Variants in THSD4 observed in about 807,000 individuals in gnomAD.
The protein encoded by THSD4 is thrombospondin type-1 domain-containing protein 4.
Under a neutral mutation model 119.0 loss-of-function variants are expected in THSD4, and 69 were observed. The ratio of observed to expected loss-of-function variants is 0.58; its 90% confidence interval spans 0.48 to 0.71. The LOEUF (loss-of-function observed/expected upper bound fraction) is 0.71, where lower values mean the gene tolerates loss of function less well. Ranked by LOEUF, THSD4 falls within the 30% of genes least tolerant of loss-of-function variation. The pLI is 0.00. For missense variants in THSD4, 1,393 were observed against 1,391.1 expected, an observed-to-expected ratio of 1.00 and a Z score of -0.02; for synonymous variants, 524 against 540.4, an observed-to-expected ratio of 0.97 and a Z score of 0.42.
intron 7 of THSD4, among the ~76,000 whole-genome samples, chr15:71,555,020 A>T (rs571370854): frequency 2.2e-4 from 33 of 152,210 alleles, no homozygotes; most frequent in Non-Finnish European, 3.7e-4. Context: ...CATCACCCTG[A>T]ATTTTATGGT....
chr15:71,215,156 T>C lies in THSD4; in HGVS notation c.221T>C (p.Met74Thr), dbSNP rs1428011253. 1.5e-6 allele frequency: 2 copies of C among 1,373,468 alleles called. No individual in the cohort carries two copies. The highest frequency in any genetic ancestry group is 3.2e-5 in the East Asian group (1 of 31,072). 85.1% of individuals were successfully genotyped at this position (1,373,468 alleles called of 1,614,324 possible). The change falls in exon 4 of 18, where the codon ATG (methionine) becomes ACG (threonine). Residue 74 changes from methionine (M) to threonine (T), a missense_variant. By Grantham distance (81) the Met-to-Thr change is moderately conservative. Coordinates refer to ENST00000261862, the MANE Select transcript of THSD4 (RefSeq NM_024817.3). ...TCGCGTAGCTGCAGCGGCGGCGTGATGGAGCAGACGCGGCCCTGCCTGCCC... is the reference window on the plus strand; with the variant it reads ...TCGCGTAGCTGCAGCGGCGGCGTGACGGAGCAGACGCGGCCCTGCCTGCCC... ...ACSRSCSGGVMEQTRPCLPRS... is the reference protein window; with the variant it reads ...ACSRSCSGGVTEQTRPCLPRS...
At chr15:71,253,472 A>C (rs1034105137) in intron 5 of THSD4, among the ~76,000 whole-genome samples, 1 of 151,742 alleles carries the variant, frequency 6.6e-6, no homozygotes, top group Non-Finnish European at 1.5e-5. Flanking sequence ...CAGAGGCGTG[A>C]TCTCAGCTCA....
chr15:71,410,798 G>T (rs566281848), intron 6 of THSD4, among the ~76,000 whole-genome samples: 6 of 152,166 alleles, frequency 3.9e-5, no homozygotes, highest in African/African-American at 1.4e-4. Context: ...TTGGGAGGCC[G>T]AGGTGGGCGA....
chr15:71,552,911 G>A (rs1162488781), intron 7 of THSD4, among the ~76,000 whole-genome samples: 1 of 152,150 alleles, frequency 6.6e-6, no homozygotes, highest in Non-Finnish European at 1.5e-5. Flanking sequence ...TGGAATTATA[G>A]GCATGAGCCA....
chr15:71,143,693 T>C (rs1313304656), intron 2 of THSD4, among the ~76,000 whole-genome samples: 2 of 149,696 alleles, frequency 1.3e-5, no homozygotes, highest in Non-Finnish European at 3.0e-5. Context: ...TTCTTTTTTT[T>C]TTCTTTCTTT....
intron 7 of THSD4, among the ~76,000 whole-genome samples, chr15:71,537,841 C>G (rs1457240267): frequency 6.6e-6 from 1 of 152,096 alleles, no homozygotes; most frequent in East Asian, 1.9e-4. Context: ...TCTCGACTCA[C>G]TGCAACTGCC....
At chr15:71,531,748 AACACT>A (rs1302581555) in intron 7 of THSD4, among the ~76,000 whole-genome samples, 9 of 152,352 alleles carry the variant, frequency 5.9e-5, no homozygotes, top group African/African-American at 2.2e-4. Flanking sequence ...AGGGAGAGGT[AACACT>A]ACAATTCAGT....
At chr15:71,459,342 C>CTG (rs1424044155) in intron 7 of THSD4, among the ~76,000 whole-genome samples, 3 of 144,526 alleles carry the variant, frequency 2.1e-5, no homozygotes, top group East Asian at 2.1e-4. Context: ...CTCTCTGTCT[C>CTG]TCTGTCTCTC....
chr15:71,459,356 CTCTCTCTGTCTCTCTG>C (rs1276676831), intron 7 of THSD4, among the ~76,000 whole-genome samples: 6 of 140,476 alleles, frequency 4.3e-5, no homozygotes, highest in African/African-American at 1.3e-4. Flanking sequence ...GTCTCTCTCT[CTCTCTCTGTCTCTCTG>C]TCTCTCTGTC....
At chr15:71,166,917 T>C (rs1236354217) in intron 3 of THSD4, 2 of 152,236 alleles carry the variant, frequency 1.3e-5, no homozygotes, top group African/African-American at 2.4e-5. Flanking sequence ...AAAGATAGAT[T>C]AAACTTTTTC....
In THSD4 at chr15:71,660,802, G is replaced by C. The variant is rs577294052; in HGVS notation, c.1357+68G>C. 4 of 1,572,318 alleles carry C rather than the reference G, an allele frequency of 2.5e-6. No homozygotes were observed. The Admixed American group carries it at 5.2e-5, about 20-fold the overall frequency. On this transcript the variant is annotated intron_variant, in intron 8 of 17. Transcript: ENST00000261862. ...AGATGATGTATTCCTTCAGAACTGT[G>C]AGATAGACACAGCAGTGTCCGAGAG...
chr15:71,378,602 G>C (rs1334386794), intron 6 of THSD4, among the ~76,000 whole-genome samples: 1 of 152,228 alleles, frequency 6.6e-6, no homozygotes, highest in Admixed American at 6.5e-5. Context: ...ACCAGGGGAT[G>C]CTTCGTCCTG....
intron 7 of THSD4, among the ~76,000 whole-genome samples, chr15:71,524,585 C>CTGTTT (rs1338314696): frequency 9.1e-6 from 1 of 110,370 alleles, no homozygotes; most frequent in Non-Finnish European, 1.9e-5. Context: ...TGGTTTATGC[C>CTGTTT]TCTTTTTTTT....
At chr15:71,111,478 T>C, upstream of THSD4, 69 of 1,281,930 alleles carry the variant, frequency 5.4e-5, no homozygotes, top group Non-Finnish European at 6.5e-5. Flanking sequence ...GGGGAGGGAA[T>C]CTACCCTGAG....
At chr15:71,123,940 G>A (rs998825325) in intron 1 of THSD4, among the ~76,000 whole-genome samples, 12 of 152,078 alleles carry the variant, frequency 7.9e-5, no homozygotes, top group African/African-American at 1.9e-4. Flanking sequence ...TCATATGGTC[G>A]CACTCTCTCT....
chr15:71,299,228 A>G (rs1464296891), intron 6 of THSD4, among the ~76,000 whole-genome samples: 3 of 152,218 alleles, frequency 2.0e-5, no homozygotes, highest in Non-Finnish European at 2.9e-5. Flanking sequence ...TGGTTTCTTC[A>G]TAGCAGCAAG....
chr15:71,579,564 T>G (rs1006634547), intron 7 of THSD4, among the ~76,000 whole-genome samples: 1 of 152,214 alleles, frequency 6.6e-6, no homozygotes, highest in Non-Finnish European at 1.5e-5. Flanking sequence ...TTAAAGTCAC[T>G]TCCCTGGGAC....
At chr15:71,366,234 C>T (rs565693992) in intron 6 of THSD4, among the ~76,000 whole-genome samples, 97 of 152,222 alleles carry the variant, frequency 6.4e-4, no homozygotes, top group Non-Finnish European at 6.9e-4. Flanking sequence ...CCTCCATGCC[C>T]GGCTAATTTT....
At chr15:71,185,566 A>G (rs1415617383) in intron 3 of THSD4, 2 of 145,914 alleles carry the variant, frequency 1.4e-5, no homozygotes, top group East Asian at 3.9e-4. Flanking sequence ...AATGAAGGCC[A>G]TAAAATGTCA....
Sources: gnomAD v4.1 joint callset for allele counts (sites outside exome capture counted in the v4.1 genomes callset) on GRCh38, gnomAD v4.1.1 for gene constraint, MANE v1.5 for transcripts, NCBI Gene and HGNC (gene_info 2026-07-23, HGNC 2026-07-21) for gene names.